The following KALRN variants were observed in gnomAD, a reference collection of about 807,000 sequenced individuals.
The protein encoded by KALRN is kalirin RhoGEF kinase, also known as kalirin.
Under a neutral mutation model 353.7 loss-of-function variants are expected in KALRN, and 70 were observed. The ratio of observed to expected loss-of-function variants is 0.20; its 90% CI spans 0.16 to 0.24. KALRN has a LOEUF of 0.24. Ranked by LOEUF, KALRN falls within the 10% of genes least tolerant of loss-of-function variation. The pLI is 1.00. For missense variants in KALRN, 2,791 were observed against 3,756.7 expected (o/e 0.74, Z 6.72); for synonymous variants, 1,391 against 1,434.8 (o/e 0.97, Z 0.69).
In KALRN at chr3:124,600,653, ATG is replaced by A. The variant is rs552009017; in HGVS notation, c.5183-31764_5183-31763del. 1.1e-4 allele frequency among the ~76,000 whole-genome samples: 17 copies of A among 151,246 alleles called. No individual in the cohort carries two copies. In the East Asian group the frequency reaches 2.3e-3, roughly 21 times the overall value. ...TACCATGAAATTTATATATATATAT[ATG>A]TGATATCATATATGTGACTATATAT... On this transcript the variant is annotated intron_variant, in intron 34 of 59. Coordinates refer to ENST00000682506, the MANE Select transcript of KALRN (RefSeq NM_001388419.1).
intron 21 of KALRN, among the ~76,000 whole-genome samples, chr3:124,451,784 G>A (rs1010586812): frequency 6.6e-6 from 1 of 152,174 alleles, no homozygotes; most frequent in Non-Finnish European, 1.5e-5. Flanking sequence ...AAGACCAAGG[G>A]TGTCTCAAGC....
At chr3:124,560,908 C>A (rs2071915436) in intron 33 of KALRN, among the ~76,000 whole-genome samples, 1 of 152,138 alleles carries the variant, frequency 6.6e-6, no homozygotes, top group African/African-American at 2.4e-5. Context: ...AGGCCCTAAC[C>A]CAGGCCTACT....
At chr3:124,398,923 G>T (rs778449489) in intron 13 of KALRN, 52 bp downstream of exon 13, 1 of 1,542,492 alleles carries the variant, frequency 6.5e-7, no homozygotes, top group South Asian at 1.3e-5. Flanking sequence ...GTGCTTCCTG[G>T]CCAAGGGCAC....
chr3:124,606,492 A>G (rs1205694357), intron 34 of KALRN, among the ~76,000 whole-genome samples: 2 of 152,216 alleles, frequency 1.3e-5, no homozygotes, highest in Non-Finnish European at 2.9e-5. Context: ...GTCTCCTTAA[A>G]AATACCATAA....
intron 14 of KALRN, 81 bp downstream of exon 14, chr3:124,413,746 A>G (rs765927618): frequency 9.8e-5 from 105 of 1,072,596 alleles, no homozygotes; most frequent in Non-Finnish European, 1.4e-4. Context: ...GCAGTGCCAC[A>G]TCGTTTATTC....
chr3:124,671,651 A>T lies in KALRN; in HGVS notation c.6704-9A>T. The T allele has an allele frequency of 2.5e-6, 4 of 1,599,698 alleles. No individual in the cohort carries two copies. Among genetic ancestry groups the T allele is most frequent in the Non-Finnish European group, 3.4e-6 (4 of 1,166,974 alleles). On this transcript the variant is annotated splice_polypyrimidine_tract_variant and intron_variant, in intron 47 of 59. Coordinates refer to ENST00000682506, the MANE Select transcript of KALRN (RefSeq NM_001388419.1). Reference sequence around the variant, plus strand: ...AAGCTTAGAGTAACCACCTGCTCTTATCCCACAGCACTGCAATCGCCCATT... The same window carrying T: ...AAGCTTAGAGTAACCACCTGCTCTTTTCCCACAGCACTGCAATCGCCCATT...
chr3:124,220,135 G>A (rs935945567), intron 1 of KALRN, among the ~76,000 whole-genome samples: 1 of 152,040 alleles, frequency 6.6e-6, no homozygotes, highest in African/African-American at 2.4e-5. Flanking sequence ...AGTAGAGACA[G>A]GGTTTCATTG....
chr3:124,539,000 C>T lies in KALRN; in HGVS notation c.4936-23843C>T, dbSNP rs138189339. ...CCAGTGCTCCTCCTGCCATTTCTACCATGCTGTCGCATGGTGCCTGGGGGG... is the reference window on the plus strand; with the variant it reads ...CCAGTGCTCCTCCTGCCATTTCTACTATGCTGTCGCATGGTGCCTGGGGGG... On this transcript the variant is annotated intron_variant, in intron 33 of 59. Coordinates refer to ENST00000682506, the MANE Select transcript of KALRN (RefSeq NM_001388419.1). 3.3e-3 allele frequency among the ~76,000 whole-genome samples: 499 copies of T among 152,292 alleles called. 2 individuals are homozygous for T. Among genetic ancestry groups the T allele is most frequent in the African/African-American group, 0.011 (453 of 41,550 alleles).
At chr3:124,399,414 A>C (rs1169949889) in intron 13 of KALRN, among the ~76,000 whole-genome samples, 1 of 152,206 alleles carries the variant, frequency 6.6e-6, no homozygotes, top group African/African-American at 2.4e-5. Flanking sequence ...CTGGGATTAC[A>C]GGCATGAGCC....
chr3:124,320,798 A>G (rs2079254592), intron 6 of KALRN, among the ~76,000 whole-genome samples: 1 of 152,194 alleles, frequency 6.6e-6, no homozygotes, highest in Non-Finnish European at 1.5e-5. Flanking sequence ...AAAAACTTAT[A>G]GACAATTCTG....
At chr3:124,708,391 C>A (rs1361444279) in intron 57 of KALRN, among the ~76,000 whole-genome samples, 1 of 152,096 alleles carries the variant, frequency 6.6e-6, no homozygotes, top group Non-Finnish European at 1.5e-5. Flanking sequence ...AAGGTGAATA[C>A]TCTTGAAATG....
intron 1 of KALRN, among the ~76,000 whole-genome samples, chr3:124,082,769 C>T (rs1018737528): frequency 1.3e-5 from 2 of 152,206 alleles, no homozygotes; most frequent in African/African-American, 4.8e-5. Flanking sequence ...CAGTGTTTCT[C>T]TTGAAAGAGT....
chr3:124,700,135 A>C, intron 56 of KALRN, 102 bp downstream of exon 56: 1 of 1,096,324 alleles, frequency 9.1e-7, no homozygotes. Flanking sequence ...CCACCATGCA[A>C]GAGGCACCTT....
chr3:124,200,941 T>C (rs1381427418), intron 1 of KALRN, among the ~76,000 whole-genome samples: 1 of 152,196 alleles, frequency 6.6e-6, no homozygotes, highest in African/African-American at 2.4e-5. Flanking sequence ...GAGAGTGAAA[T>C]ACTTAACTTC....
chr3:124,674,329 G>A, intron 48 of KALRN, 35 bp from the exon 49 acceptor site: 1 of 1,590,574 alleles, frequency 6.3e-7, no homozygotes, highest in East Asian at 2.2e-5. Flanking sequence ...TAGCGTCCTT[G>A]TGTTTGTGCC....
intron 12 of KALRN, among the ~76,000 whole-genome samples, chr3:124,397,794 A>T (rs2090352700): frequency 6.6e-6 from 1 of 152,056 alleles, no homozygotes; most frequent in African/African-American, 2.4e-5. Context: ...GTGTTTCTCC[A>T]TTTCTTCAAA....
In KALRN at chr3:124,114,016, TA is replaced by T. The variant is rs756013453; in HGVS notation, c.73+80204del. ...TTGGTAGTGCTGGAAGGGTAGAGAG[TA>T]GGCCCTGGGTGGAAATATTTTTAAA... On this transcript the variant is annotated intron_variant, in intron 1 of 59. Coordinates refer to ENST00000682506, the MANE Select transcript of KALRN (RefSeq NM_001388419.1). Among the ~76,000 whole-genome samples, 5 of 151,568 alleles carry T rather than the reference TA, an allele frequency of 3.3e-5. No homozygotes were observed. In the South Asian group the frequency reaches 1.0e-3, roughly 32 times the overall value.
Position 124,203,582 on chromosome 3 carries a change from G to A in KALRN, c.74-24408G>A, listed in dbSNP as rs541111265. ...GGCAGCAGCTTCCATGGCTTTATAC[G>A]TATTGCTTGGAATAATGTTCCCAAA... On this transcript the variant is annotated intron_variant, in intron 1 of 59. Coordinates refer to ENST00000682506, the MANE Select transcript of KALRN (RefSeq NM_001388419.1). Among the ~76,000 whole-genome samples, 6 of 152,232 alleles carry A rather than the reference G, an allele frequency of 3.9e-5. No homozygotes were observed. The South Asian group carries it at 6.2e-4, about 16-fold the overall frequency.
At chr3:124,308,909 C>A (rs1013469514) in intron 6 of KALRN, among the ~76,000 whole-genome samples, 1 of 151,742 alleles carries the variant, frequency 6.6e-6, no homozygotes, top group Non-Finnish European at 1.5e-5. Context: ...AACTTACAAA[C>A]CTTTACCTAG....
Sources: gnomAD v4.1 joint callset for allele counts (sites outside exome capture counted in the v4.1 genomes callset) on GRCh38, gnomAD v4.1.1 for gene constraint, MANE v1.5 for transcripts, NCBI Gene and HGNC (gene_info 2026-07-23, HGNC 2026-07-21) for gene names.